The following FAM110B variants were observed in gnomAD, a reference collection of about 807,000 sequenced individuals.
FAM110B encodes the protein protein FAM110B.
FAM110B carries 6 observed loss-of-function variants against 20.4 expected under a neutral mutation model. That is an observed-to-expected ratio of 0.29 (90% CI 0.16 to 0.58). FAM110B has a LOEUF of 0.58. FAM110B is among the 20% of genes least tolerant of loss of function. FAM110B has a pLI of 0.90. For synonymous variants in FAM110B, 226 were observed against 214.1 expected (o/e 1.06, Z -0.49); for missense variants, 434 against 498.2 (o/e 0.87, Z 1.23).
rs530725981 is a variant in FAM110B, at chr8:58,030,245, A to AT, written c.-511-1360dup. Among the ~76,000 whole-genome samples, 42 of 152,348 alleles carry AT rather than the reference A, an allele frequency of 2.8e-4. 1 individual carries two copies. In the East Asian group the frequency reaches 8.1e-3, roughly 29 times the overall value. ...ATCTTAAATTTCAGGTATTAAAGCA[A>AT]TAAAAAGAACCATGGGACTTGGAGT... is the stretch of plus-strand genomic sequence containing the variant. On this transcript the variant is annotated intron_variant, in intron 1 of 3. Transcript: ENST00000519262.
intron 3 of FAM110B, chr8:58,077,230 C>G (rs1363753035): frequency 6.6e-6 from 1 of 152,182 alleles, no homozygotes; most frequent in Non-Finnish European, 1.5e-5. Context: ...AGAACTGTAC[C>G]CGAGTGCAGG....
intron 1 of FAM110B, among the ~76,000 whole-genome samples, chr8:58,001,687 C>G (rs1044486536): frequency 5.3e-5 from 8 of 151,994 alleles, no homozygotes; most frequent in Non-Finnish European, 8.8e-5. Flanking sequence ...AATCGCAGGG[C>G]CCTTTAATTA....
intron 2 of FAM110B, among the ~76,000 whole-genome samples, chr8:58,037,279 G>T (rs1805093844): frequency 6.6e-6 from 1 of 151,104 alleles, no homozygotes; most frequent in African/African-American, 2.5e-5. Context: ...ATTTTTACTT[G>T]CCTTCTCTCT....
chr8:58,111,941 C>T (rs1807068906), intron 3 of FAM110B, among the ~76,000 whole-genome samples: 2 of 152,216 alleles, frequency 1.3e-5, no homozygotes, highest in Admixed American at 6.5e-5. Flanking sequence ...AGTTACACTT[C>T]AAGCAAAAGG....
At chr8:58,015,547 C>T (rs1804620849) in intron 1 of FAM110B, among the ~76,000 whole-genome samples, 1 of 151,738 alleles carries the variant, frequency 6.6e-6, no homozygotes, top group Admixed American at 6.6e-5. Context: ...AAAACGTGTT[C>T]TTGAAAAGGC....
chr8:58,091,780 T>C (rs1018676648), intron 3 of FAM110B, among the ~76,000 whole-genome samples: 12 of 152,198 alleles, frequency 7.9e-5, no homozygotes, highest in African/African-American at 2.7e-4. Flanking sequence ...CTCCCCTCCA[T>C]GTGGTCTCTG....
At chr8:58,103,145 A>C (rs896783108) in intron 3 of FAM110B, among the ~76,000 whole-genome samples, 15 of 152,084 alleles carry the variant, frequency 9.9e-5, no homozygotes, top group Non-Finnish European at 1.8e-4. Flanking sequence ...TGCAATATGT[A>C]CAGAAGGGCA....
chr8:58,044,557 A>C (rs574188088), intron 2 of FAM110B, among the ~76,000 whole-genome samples: 14 of 152,246 alleles, frequency 9.2e-5, no homozygotes, highest in Non-Finnish European at 1.9e-4. Context: ...GCAGCTGAAC[A>C]ATCAAACTAA....
intron 3 of FAM110B, among the ~76,000 whole-genome samples, chr8:58,119,136 C>T (rs1348837127): frequency 2.0e-5 from 3 of 152,234 alleles, no homozygotes; most frequent in East Asian, 1.9e-4. Flanking sequence ...GAAGAAAGTT[C>T]GTGTGCATGC....
chr8:58,061,853 T>C (rs1280376948), intron 2 of FAM110B, among the ~76,000 whole-genome samples: 1 of 152,222 alleles, frequency 6.6e-6, no homozygotes, highest in East Asian at 1.9e-4. Flanking sequence ...TACACTCTTC[T>C]AGTAATGTTT....
At chr8:58,074,876 G>A (rs1489189123) in intron 2 of FAM110B, among the ~76,000 whole-genome samples, 3 of 152,084 alleles carry the variant, frequency 2.0e-5, no homozygotes, top group African/African-American at 7.2e-5. Flanking sequence ...CTCTTTCACA[G>A]CCCTGGAAGT....
intron 2 of FAM110B, among the ~76,000 whole-genome samples, chr8:58,050,322 A>G (rs376514031): frequency 6.6e-6 from 1 of 152,154 alleles, no homozygotes; most frequent in Non-Finnish European, 1.5e-5. Context: ...AGAGGAAAGC[A>G]TACCAGTTTT....
chr8:58,148,134 GC>G lies in FAM110B; in HGVS notation c.*793del, dbSNP rs1179518110. ...GACCACCCTAAAACAAATACTGAAT[GC>G]CTTTAAAAAAAAAAAAAGTTGTGGT... On this transcript the variant is annotated 3_prime_UTR_variant, in exon 4 of 4. Coordinates refer to ENST00000519262, the MANE Select transcript of FAM110B (RefSeq NM_001377989.1). 1.5e-5 allele frequency: 2 copies of G among 130,164 alleles called. No homozygotes were observed. Among genetic ancestry groups the G allele is most frequent in the Non-Finnish European group, 3.4e-5 (2 of 59,522 alleles). 8.1% of individuals were successfully genotyped at this position (130,164 alleles called of 1,614,324 possible).
At chr8:58,003,055 C>T (rs1160671660) in intron 1 of FAM110B, among the ~76,000 whole-genome samples, 7 of 152,244 alleles carry the variant, frequency 4.6e-5, no homozygotes, top group Admixed American at 4.6e-4. Context: ...AACCCTGCCA[C>T]TGTTTTATCA....
intron 2 of FAM110B, among the ~76,000 whole-genome samples, chr8:58,040,935 C>CTTTTT (rs60228265): frequency 1.2e-4 from 12 of 97,342 alleles, no homozygotes; most frequent in Admixed American, 3.6e-4. Context: ...ATGGGAAAAT[C>CTTTTT]TTTTTTTTTT....
At chr8:58,058,001 G>A (rs1333198664) in intron 2 of FAM110B, among the ~76,000 whole-genome samples, 3 of 152,206 alleles carry the variant, frequency 2.0e-5, no homozygotes, top group Admixed American at 1.3e-4. Context: ...GCCCCTTGGG[G>A]CCGTGGGGAG....
At chr8:58,064,489 T>C (rs1399230097) in intron 2 of FAM110B, among the ~76,000 whole-genome samples, 5 of 152,176 alleles carry the variant, frequency 3.3e-5, no homozygotes, top group Non-Finnish European at 7.3e-5. Context: ...ATTAACAAAT[T>C]CTTAACAGTA....
At chr8:58,015,599 A>T (rs193072915) in intron 1 of FAM110B, among the ~76,000 whole-genome samples, 3 of 152,130 alleles carry the variant, frequency 2.0e-5, no homozygotes, top group Admixed American at 2.0e-4. Context: ...TAATCTCAGC[A>T]CTTTGAGAGG....
chr8:58,004,743 TCAAA>T (rs1287144604), intron 1 of FAM110B, among the ~76,000 whole-genome samples: 4 of 152,290 alleles, frequency 2.6e-5, no homozygotes, highest in African/African-American at 7.2e-5. Context: ...AAACCCCATC[TCAAA>T]CAAACAAACA....
Sources: allele counts gnomAD v4.1 joint callset (sites outside exome capture counted in the v4.1 genomes callset), GRCh38; gene constraint gnomAD v4.1.1; transcripts MANE v1.5; gene names NCBI Gene and HGNC (gene_info 2026-07-23, HGNC 2026-07-21).